HIP1: variants seen among roughly 807,000 people sequenced by gnomAD.
HIP1 encodes the protein huntingtin interacting protein 1, also known as huntingtin-interacting protein 1.
A neutral mutation model predicts 147.6 loss-of-function variants in HIP1; 65 were observed. The ratio of observed to expected loss-of-function variants is 0.44; its 90% CI spans 0.36 to 0.54. The LOEUF is 0.54. Ranked by LOEUF, HIP1 falls within the 20% of genes least tolerant of loss-of-function variation. HIP1 has a pLI of 0.00. For missense variants in HIP1, 1,061 were observed against 1,299.6 expected, an observed-to-expected ratio of 0.82 and a Z score of 2.82; for synonymous variants, 479 against 504.0, an observed-to-expected ratio of 0.95 and a Z score of 0.67.
intron 2 of HIP1, among the ~76,000 whole-genome samples, 175 bp from the exon 3 acceptor site, chr7:75,592,689 G>A (rs1010245306): frequency 1.3e-5 from 2 of 152,184 alleles, no homozygotes; most frequent in Non-Finnish European, 2.9e-5. Context: ...AGGGGACCGA[G>A]CAGTAGTGCA....
intron 22 of HIP1, among the ~76,000 whole-genome samples, chr7:75,551,506 C>T (rs192110945): frequency 6.6e-6 from 1 of 151,170 alleles, no homozygotes; most frequent in East Asian, 2.0e-4. Flanking sequence ...TGAGCCACCA[C>T]ACCTGGCCCT....
chr7:75,569,451 G>T (rs936743358), intron 8 of HIP1, among the ~76,000 whole-genome samples: 8 of 152,016 alleles, frequency 5.3e-5, no homozygotes, highest in East Asian at 3.9e-4. Flanking sequence ...CAAAAATTAA[G>T]AAATAAAAAT....
intron 11 of HIP1, 23 bp from the exon 12 acceptor site, chr7:75,562,193 G>A: frequency 6.6e-7 from 1 of 1,511,248 alleles, no homozygotes; most frequent in Non-Finnish European, 9.2e-7. Context: ...AAAAAGGAGT[G>A]AGAATAAGTC....
intron 1 of HIP1, among the ~76,000 whole-genome samples, chr7:75,731,355 C>T (rs534313112): frequency 5.3e-5 from 8 of 151,506 alleles, no homozygotes; most frequent in East Asian, 2.0e-4. Context: ...TGGTGGCGCA[C>T]GCCTATAATC....
chr7:75,708,203 T>C (rs1801059263), intron 1 of HIP1, among the ~76,000 whole-genome samples: 1 of 152,166 alleles, frequency 6.6e-6, no homozygotes, highest in Non-Finnish European at 1.5e-5. Context: ...CTGAATTGGG[T>C]TTTTCATCGC....
At chr7:75,632,558 TTTC>T (rs1798267804) in intron 1 of HIP1, among the ~76,000 whole-genome samples, 2 of 118,756 alleles carry the variant, frequency 1.7e-5, no homozygotes, top group Admixed American at 1.6e-4. Flanking sequence ...TGGCTAATTT[TTTC>T]TTTTTTTTTT....
chr7:75,710,225 G>A (rs1457703622), intron 1 of HIP1, among the ~76,000 whole-genome samples: 1 of 151,978 alleles, frequency 6.6e-6, no homozygotes, highest in Non-Finnish European at 1.5e-5. Flanking sequence ...AGGAAAGGGT[G>A]CTGGATTTTG....
intron 1 of HIP1, among the ~76,000 whole-genome samples, chr7:75,702,800 G>A (rs960012327): frequency 2.6e-5 from 4 of 151,968 alleles, no homozygotes; most frequent in Non-Finnish European, 4.4e-5. Flanking sequence ...CAAACAGAGC[G>A]AGGGAAGGTG....
chr7:75,547,046 A>G lies in HIP1; in HGVS notation c.2466-14T>C. ...CAACCAAGGATCCTGCCAAACAAAC[A>G]AGTCGAGGATACACTGAGATCAAGA... On this transcript the variant is annotated splice_polypyrimidine_tract_variant and intron_variant, in intron 24 of 30. Coordinates refer to ENST00000336926, the MANE Select transcript of HIP1 (RefSeq NM_005338.7). The G allele has an allele frequency of 6.4e-7, 1 of 1,562,412 alleles. No individual in the cohort carries two copies. The highest frequency in any genetic ancestry group is 8.7e-7 in the Non-Finnish European group (1 of 1,149,438).
chr7:75,667,784 C>T (rs1406293791), intron 1 of HIP1, among the ~76,000 whole-genome samples: 3 of 152,254 alleles, frequency 2.0e-5, no homozygotes, highest in Non-Finnish European at 2.9e-5. Flanking sequence ...AGCCACTGCA[C>T]CCGGCAGTTT....
At chr7:75,664,017 CACATATATGTGT>C (rs1799424286) in intron 1 of HIP1, among the ~76,000 whole-genome samples, 1 of 71,502 alleles carries the variant, frequency 1.4e-5, no homozygotes, top group Admixed American at 1.7e-4. Context: ...TATATATATA[CACATATATGTGT>C]ATATATATAC....
intron 2 of HIP1, among the ~76,000 whole-genome samples, chr7:75,593,535 C>T (rs1229247934): frequency 6.9e-6 from 1 of 145,234 alleles, no homozygotes; most frequent in Non-Finnish European, 1.5e-5. Flanking sequence ...GAGGCTGAGG[C>T]AAGAGAATTG....
At chr7:75,604,207 C>A (rs1023162270) in intron 1 of HIP1, among the ~76,000 whole-genome samples, 1 of 152,194 alleles carries the variant, frequency 6.6e-6, no homozygotes, top group African/African-American at 2.4e-5. Context: ...TTCCGGAGCC[C>A]ATCAAGGTTG....
rs1256406404 is a variant in HIP1, at chr7:75,639,073, G to A, written c.121-39826C>T. 3.0e-6 allele frequency: 3 copies of A among 984,576 alleles called. No individual in the cohort carries two copies. In the African/African-American group the frequency reaches 5.2e-5, roughly 17 times the overall value. The allele number at this position is 984,576 out of a possible 1,614,324, so 61.0% of individuals were successfully genotyped here. On this transcript the variant is annotated intron_variant, in intron 1 of 30. Coordinates refer to ENST00000336926, the MANE Select transcript of HIP1 (RefSeq NM_005338.7). ...TACCATCTTGCTCACATCCATGACC[G>A]AGGCTGCGGGGCACCCCCCCACCCC...
chr7:75,651,759 C>A (rs1798996947), intron 1 of HIP1, among the ~76,000 whole-genome samples: 1 of 152,152 alleles, frequency 6.6e-6, no homozygotes, highest in Non-Finnish European at 1.5e-5. Context: ...TCATAGCTAC[C>A]TCTTGGGGTT....
At position 75,664,050 on chromosome 7, in the gene HIP1, G is replaced by GTATATA. The variant is rs782384479; in HGVS notation, c.121-64809_121-64804dup. 1.8e-4 allele frequency among the ~76,000 whole-genome samples: 3 copies of GTATATA among 16,510 alleles called. 1 individual carries two copies. The highest frequency in any genetic ancestry group is 2.6e-3 in the East Asian group (2 of 770). The allele number at this position is 16,510 out of a possible 152,430, so 10.8% of individuals were successfully genotyped here. Reference sequence around the variant, plus strand: ...TGTGTATATATATACACATATATGTGTATATACACATATATGTGTATATAC... The same window carrying GTATATA: ...TGTGTATATATATACACATATATGTGTATATATATATACACATATATGTGTATATAC... On this transcript the variant is annotated intron_variant, in intron 1 of 30. Coordinates refer to ENST00000336926, the MANE Select transcript of HIP1 (RefSeq NM_005338.7).
intron 23 of HIP1, among the ~76,000 whole-genome samples, chr7:75,548,463 CTCTT>C (rs1554491453): frequency 6.6e-6 from 1 of 151,784 alleles, no homozygotes; most frequent in Admixed American, 6.6e-5. Flanking sequence ...ATTTTGGTCT[CTCTT>C]TTTTTTTTTT....
chr7:75,589,638 A>C (rs1554500303), intron 4 of HIP1, among the ~76,000 whole-genome samples: 1 of 119,480 alleles, frequency 8.4e-6, no homozygotes, highest in Non-Finnish European at 1.6e-5. Flanking sequence ...AGCTGAGATT[A>C]TGCCAGTGTA....
At chr7:75,572,855 C>A (rs587729005) in intron 8 of HIP1, among the ~76,000 whole-genome samples, 3 of 152,308 alleles carry the variant, frequency 2.0e-5, no homozygotes, top group Admixed American at 6.5e-5. Context: ...CCAGCCCCAG[C>A]TGCAGACTCA....
Sources: allele counts gnomAD v4.1 joint callset (sites outside exome capture counted in the v4.1 genomes callset), GRCh38; gene constraint gnomAD v4.1.1; transcripts MANE v1.5; gene names NCBI Gene and HGNC (gene_info 2026-07-23, HGNC 2026-07-21).